The following ZSWIM5 variants were observed in gnomAD, a reference collection of about 807,000 sequenced individuals.
ZSWIM5 encodes the protein zinc finger SWIM-type containing 5.
A neutral mutation model predicts 119.6 loss-of-function variants in ZSWIM5; 55 were observed. That is an observed-to-expected ratio of 0.46 (90% CI 0.37 to 0.58). The LOEUF is 0.58. Among genes scored for constraint, ZSWIM5 ranks in the 20% least tolerant of loss-of-function variants. The pLI is 0.00. For synonymous variants in ZSWIM5, 537 were observed against 606.9 expected, an observed-to-expected ratio of 0.88 and a Z score of 1.69; for missense variants, 1,193 against 1,512.8, an observed-to-expected ratio of 0.79 and a Z score of 3.51.
intron 1 of ZSWIM5, among the ~76,000 whole-genome samples, chr1:45,156,751 C>A (rs1004008464): frequency 6.8e-5 from 10 of 147,848 alleles, no homozygotes; most frequent in African/African-American, 2.5e-4. Flanking sequence ...ACACACTGCA[C>A]AGGTGATTGA....
chr1:45,149,289 T>A (rs935563564), intron 1 of ZSWIM5, among the ~76,000 whole-genome samples: 5 of 152,150 alleles, frequency 3.3e-5, no homozygotes, highest in African/African-American at 1.2e-4. Flanking sequence ...AACAAAAACA[T>A]GATTGTCACA....
chr1:45,048,928 C>T (rs12069952), intron 5 of ZSWIM5, among the ~76,000 whole-genome samples: 2 of 152,124 alleles, frequency 1.3e-5, no homozygotes, highest in Non-Finnish European at 2.9e-5. Context: ...CGAGACTAGC[C>T]TGGGCAACAT....
intron 1 of ZSWIM5, among the ~76,000 whole-genome samples, chr1:45,105,098 C>T (rs995866583): frequency 5.3e-5 from 8 of 152,040 alleles, no homozygotes; most frequent in Non-Finnish European, 1.0e-4. Flanking sequence ...ATGCCAGGCA[C>T]GCGCCGCCAC....
intron 2 of ZSWIM5, among the ~76,000 whole-genome samples, chr1:45,068,438 G>T (rs902573306): frequency 6.6e-6 from 1 of 151,362 alleles, no homozygotes; most frequent in Non-Finnish European, 1.5e-5. Flanking sequence ...TTAATGTACG[G>T]TGAGCTGAAA....
chr1:45,031,169 A>ATTTT lies in ZSWIM5; in HGVS notation c.2449+3139_2449+3142dup, dbSNP rs34390567. ...CTCTATTTCATTGATTTTTGCTCTG[A>ATTTT]TTTTTTTTTTTTTTTTTTTTTTTTT... On this transcript the variant is annotated intron_variant, in intron 11 of 13. Coordinates refer to ENST00000359600, the MANE Select transcript of ZSWIM5 (RefSeq NM_020883.2). Among the ~76,000 whole-genome samples the ATTTT allele has an allele frequency of 4.4e-3, 271 of 61,728 alleles. 11 individuals are homozygous for ATTTT. Among genetic ancestry groups the ATTTT allele is most frequent in the Non-Finnish European group, 5.6e-3 (202 of 36,250 alleles). The allele number at this position is 61,728 out of a possible 152,430, so 40.5% of individuals were successfully genotyped here.
At chr1:45,066,906 T>C (rs1645187243) in intron 2 of ZSWIM5, among the ~76,000 whole-genome samples, 1 of 152,210 alleles carries the variant, frequency 6.6e-6, no homozygotes, top group East Asian at 1.9e-4. Flanking sequence ...AAAATTAACA[T>C]ATCTTGCAAT....
intron 1 of ZSWIM5, among the ~76,000 whole-genome samples, chr1:45,098,490 G>T (rs761993805): frequency 1.3e-5 from 2 of 152,052 alleles, no homozygotes; most frequent in Non-Finnish European, 2.9e-5. Flanking sequence ...TTTCCAATGG[G>T]GAAATAATAT....
chr1:45,100,561 T>G (rs1045327290), intron 1 of ZSWIM5, among the ~76,000 whole-genome samples: 22 of 149,110 alleles, frequency 1.5e-4, no homozygotes, highest in Admixed American at 1.4e-3. Context: ...TTAAAGTTCA[T>G]ATGGAACCAA....
chr1:45,069,350 C>T (rs545980331), intron 2 of ZSWIM5, among the ~76,000 whole-genome samples: 20 of 151,302 alleles, frequency 1.3e-4, no homozygotes, highest in Admixed American at 2.6e-4. Flanking sequence ...GGTGTGAACC[C>T]GGGAGGCGGA....
In ZSWIM5 at chr1:45,205,932, T is replaced by C; in HGVS notation, c.419A>G (p.Gln140Arg). Residue 140 changes from glutamine (Q) to arginine (R), a missense_variant, in exon 1 of 14, where the codon CAG (glutamine) becomes CGG (arginine). Gln to Arg is a conservative substitution (Grantham distance 43). Coordinates refer to ENST00000359600, the MANE Select transcript of ZSWIM5 (RefSeq NM_020883.2). ...CGGAGCGGCGGCCCCGGGGGGTGGC[T>C]GCGGCCCCTCCTCGGCCGGCGAAGC... is the stretch of plus-strand genomic sequence containing the variant. ...AGASPAEEGPQPPPGAAAPAG... is the reference protein window; with the variant it reads ...AGASPAEEGPRPPPGAAAPAG... The C allele has an allele frequency of 8.6e-7, 1 of 1,167,696 alleles. No individual in the cohort carries two copies. The highest frequency in any genetic ancestry group is 1.1e-6 in the Non-Finnish European group (1 of 945,398). 72.3% of individuals were successfully genotyped at this position (1,167,696 alleles called of 1,614,324 possible). A position where few individuals can be genotyped will look rare whatever the true frequency, so the allele number is the denominator to read the frequency against.
chr1:45,107,028 A>G (rs1209894694), intron 1 of ZSWIM5, among the ~76,000 whole-genome samples: 1 of 152,218 alleles, frequency 6.6e-6, no homozygotes, highest in African/African-American at 2.4e-5. Context: ...ACTCGTTAAG[A>G]GTCATCACCA....
In ZSWIM5 at chr1:45,109,927, T is replaced by C. The variant is rs144454134; in HGVS notation, c.596-21690A>G. 4.1e-3 allele frequency among the ~76,000 whole-genome samples: 627 copies of C among 152,218 alleles called. 4 individuals are homozygous for C. The highest frequency in any genetic ancestry group is 6.8e-3 in the Middle Eastern group (2 of 294). On this transcript the variant is annotated intron_variant, in intron 1 of 13. Transcript: ENST00000359600. ...TTACACAGGCTAGAGTGCAGTGGCA[T>C]GAAGACAGCTCACTGCACTCTCAAT...
At chr1:45,084,106 T>G (rs1645310208) in intron 2 of ZSWIM5, among the ~76,000 whole-genome samples, 1 of 152,098 alleles carries the variant, frequency 6.6e-6, no homozygotes, top group Non-Finnish European at 1.5e-5. Flanking sequence ...GACAGGGTTT[T>G]GCCATGTTTC....
At chr1:45,027,116 G>A (rs1450009028) in intron 11 of ZSWIM5, among the ~76,000 whole-genome samples, 3 of 140,356 alleles carry the variant, frequency 2.1e-5, no homozygotes, top group East Asian at 2.0e-4. Flanking sequence ...TTTTTTTTTC[G>A]TGGTTAGCCT....
chr1:45,168,502 A>T (rs190574800), intron 1 of ZSWIM5, among the ~76,000 whole-genome samples: 12,791 of 149,092 alleles, frequency 0.086, 609 homozygotes, highest in Middle Eastern at 0.099. Flanking sequence ...TATTTTTTTT[A>T]AAAAATACAA....
chr1:45,120,486 A>G (rs1022815227), intron 1 of ZSWIM5, among the ~76,000 whole-genome samples: 4 of 151,356 alleles, frequency 2.6e-5, no homozygotes, highest in Non-Finnish European at 5.9e-5. Flanking sequence ...TCTTCTTTCA[A>G]GGTATTGCTC....
intron 2 of ZSWIM5, among the ~76,000 whole-genome samples, chr1:45,077,680 C>A (rs1645263615): frequency 6.6e-6 from 1 of 152,158 alleles, no homozygotes; most frequent in South Asian, 2.1e-4. Context: ...CCTAATAAGC[C>A]TGGGAGCGCT....
intron 2 of ZSWIM5, among the ~76,000 whole-genome samples, chr1:45,074,131 T>C (rs913664197): frequency 6.6e-6 from 1 of 152,006 alleles, no homozygotes; most frequent in Admixed American, 6.5e-5. Flanking sequence ...GAATTCAGTT[T>C]GCTAGTATTT....
At chr1:45,031,732 C>T (rs1446308582) in intron 11 of ZSWIM5, among the ~76,000 whole-genome samples, 2 of 149,452 alleles carry the variant, frequency 1.3e-5, no homozygotes, top group African/African-American at 4.9e-5. Flanking sequence ...CCCAGCTACT[C>T]GGGAGGCGGA....
Sources: gnomAD v4.1 joint callset for allele counts (sites outside exome capture counted in the v4.1 genomes callset) on GRCh38, gnomAD v4.1.1 for gene constraint, MANE v1.5 for transcripts, NCBI Gene and HGNC (gene_info 2026-07-23, HGNC 2026-07-21) for gene names.